Variants in CASP8 observed in about 807,000 individuals in gnomAD.
The protein encoded by CASP8 is caspase 8, also known as caspase-8.
In CASP8, 24 loss-of-function variants were observed where a neutral mutation model predicts 46.3. The observed-to-expected ratio is 0.52, with a 90% CI of 0.38 to 0.73. The LOEUF is 0.73. Among genes scored for constraint, CASP8 ranks in the 30% least tolerant of loss-of-function variants. The pLI is 0.00. For missense variants in CASP8, 460 were observed against 559.0 expected (o/e 0.82, Z 1.79); for synonymous variants, 188 against 200.4 (o/e 0.94, Z 0.52).
chr2:201,258,756 TATTCTGTC>T (rs59308963), upstream of CASP8, among the ~76,000 whole-genome samples: 109,652 of 151,290 alleles, frequency 0.72, 40,061 homozygotes, highest in South Asian at 0.83. Flanking sequence ...TTAAGTACTT[TATTCTGTC>T]ATTCTGTCGA....
intron 7 of CASP8, among the ~76,000 whole-genome samples, chr2:201,281,330 T>TA (rs763808623): frequency 1.3e-5 from 2 of 152,002 alleles, no homozygotes; most frequent in African/African-American, 2.4e-5. Context: ...ATTAAAAAAA[T>TA]AAAAATATTA....
rs990049609 is a variant in CASP8, at chr2:201,286,915, G to C, written c.*321G>C. 1.2e-5 allele frequency: 4 copies of C among 343,692 alleles called. No individual in the cohort carries two copies. Among genetic ancestry groups the C allele is most frequent in the African/African-American group, 8.5e-5 (4 of 47,110 alleles). 21.3% of individuals were successfully genotyped at this position (343,692 alleles called of 1,614,324 possible). On this transcript the variant is annotated 3_prime_UTR_variant, in exon 9 of 9. Coordinates refer to ENST00000673742, the MANE Select transcript of CASP8 (RefSeq NM_001372051.1). ...ATTACAGGCGTGAGCCACCGCGCCT[G>C]GCCGATGGTACTATTTAGATATAAC...
upstream of CASP8, chr2:201,257,945 A>G (rs909246647): frequency 2.3e-6 from 1 of 431,164 alleles, no homozygotes; most frequent in Non-Finnish European, 4.3e-6. Flanking sequence ...TTTAGTTTGC[A>G]CGTCCATGAA....
chr2:201,254,280 T>A (rs1946919146), intron 2 of CASP8, among the ~76,000 whole-genome samples: 1 of 152,166 alleles, frequency 6.6e-6, no homozygotes, highest in Non-Finnish European at 1.5e-5. Flanking sequence ...TAACTGTAAA[T>A]GCCCCATGAC....
At position 201,266,697 on chromosome 2, in the gene CASP8, A is replaced by G; in HGVS notation, c.211A>G (p.Arg71Gly). 6.2e-7 allele frequency: 1 copy of G among 1,614,174 alleles called. No homozygotes were observed. Among genetic ancestry groups the G allele is most frequent in the Non-Finnish European group, 8.5e-7 (1 of 1,180,004 alleles). The change falls in exon 2 of 9, where the codon AGA becomes GGA. Residue 71 changes from arginine (R) to glycine (G), a missense_variant. Coordinates refer to ENST00000673742, the MANE Select transcript of CASP8 (RefSeq NM_001372051.1). This position sits in a 1 kb window ranked among gnomAD's most constrained non-coding sequence, Gnocchi z 5.7. The stretch of plus-strand genomic sequence containing the variant: ...GAAGGAGCTGCTCTTCCGAATTAAT[A>G]GACTGGATTTGCTGATTACCTACCT... ...FLKELLFRIN[R>G]LDLLITYLNT...
In CASP8 at chr2:201,239,417, C is replaced by T. The variant is rs576598220; in HGVS notation, c.-27+5305C>T. 3.9e-5 allele frequency among the ~76,000 whole-genome samples: 6 copies of T among 152,320 alleles called. No individual in the cohort carries two copies. The South Asian group carries it at 6.2e-4, about 16-fold the overall frequency. On this transcript the variant is annotated intron_variant, in intron 2 of 6. Coordinates refer to the CASP8 transcript ENST00000264274. ...GGGGGCTGACCCCCCACCTCCCTCC[C>T]GGACGGGGCGGCTTCCTTACTTTTT...
intron 2 of CASP8, among the ~76,000 whole-genome samples, chr2:201,243,777 G>A (rs186182671): frequency 3.9e-5 from 6 of 152,244 alleles, no homozygotes; most frequent in Non-Finnish European, 5.9e-5. Context: ...AGTTTAATAC[G>A]CATAACAGCA....
intron 1 of CASP8, 93 bp downstream of exon 1, chr2:201,260,706 G>C (rs1947325432): frequency 3.8e-6 from 1 of 263,338 alleles, no homozygotes; most frequent in Non-Finnish European, 5.9e-6. Flanking sequence ...AGTGAGATCG[G>C]GTGGCCCTGG....
intron 7 of CASP8, among the ~76,000 whole-genome samples, chr2:201,280,525 A>G (rs1948934058): frequency 6.6e-6 from 1 of 151,942 alleles, no homozygotes; most frequent in African/African-American, 2.4e-5. Flanking sequence ...AAGCTAAAAG[A>G]CTGTGAAGAA....
chr2:201,244,913 G>T (rs1386550609), intron 2 of CASP8, among the ~76,000 whole-genome samples: 2 of 152,216 alleles, frequency 1.3e-5, no homozygotes, highest in Non-Finnish European at 2.9e-5. Context: ...CGCAAATGAT[G>T]ACTGCCCCTT....
intron 1 of CASP8, among the ~76,000 whole-genome samples, chr2:201,263,375 C>T (rs1343654999): frequency 6.6e-6 from 1 of 152,046 alleles, no homozygotes; most frequent in African/African-American, 2.4e-5. Context: ...GATATTAAAA[C>T]CCATGCTGTA....
At chr2:201,270,085 C>G (rs1247858956) in intron 2 of CASP8, among the ~76,000 whole-genome samples, 1 of 152,126 alleles carries the variant, frequency 6.6e-6, no homozygotes. Flanking sequence ...ATTTTAAAGT[C>G]AACGTGTTTT....
chr2:201,252,285 G>GT (rs1308206347), intron 2 of CASP8, among the ~76,000 whole-genome samples: 73 of 150,080 alleles, frequency 4.9e-4, no homozygotes, highest in African/African-American at 1.0e-3. Context: ...TTTTGTTTTT[G>GT]TTTTTTTTTG....
chr2:201,237,154 G>A (rs572816711), intron 2 of CASP8, among the ~76,000 whole-genome samples: 2 of 137,548 alleles, frequency 1.5e-5, no homozygotes, highest in South Asian at 2.2e-4. Context: ...GCAGTGGCAC[G>A]TTCTTGGCTC....
chr2:201,272,090 CTGTG>C lies in CASP8; in HGVS notation c.411+471_411+474del, dbSNP rs1480388537. Among the ~76,000 whole-genome samples the C allele has an allele frequency of 1.3e-4, 20 of 151,090 alleles. No homozygotes were observed. The highest frequency in any genetic ancestry group is 4.4e-4 in the African/African-American group (18 of 41,086). On this transcript the variant is annotated intron_variant, in intron 3 of 8. Coordinates refer to ENST00000673742, the MANE Select transcript of CASP8 (RefSeq NM_001372051.1). The surrounding 1 kb of genome is among the most constrained non-coding windows in gnomAD (Gnocchi z 4.4). ...GTCTCTGTATAAGTGGTGTGTGTGT[CTGTG>C]TATCTCTGTGTGTGTGTTCTCTGTG... is the stretch of plus-strand genomic sequence containing the variant.
chr2:201,271,348 C>G lies in CASP8; in HGVS notation c.306-168C>G, dbSNP rs375272500. Among the ~76,000 whole-genome samples, 95 of 152,352 alleles carry G rather than the reference C, an allele frequency of 6.2e-4. 1 individual carries two copies. In the South Asian group the frequency reaches 0.019, roughly 31 times the overall value. ...AAGTCGGGGAGGAGCCAGTAGACTT[C>G]TGTGTCACCACACCAGCCTCTTTCC... On this transcript the variant is annotated intron_variant, in intron 2 of 8. Coordinates refer to ENST00000673742, the MANE Select transcript of CASP8 (RefSeq NM_001372051.1).
intron 2 of CASP8, among the ~76,000 whole-genome samples, chr2:201,239,501 GGTT>G (rs1258454002): frequency 1.3e-5 from 2 of 151,948 alleles, no homozygotes; most frequent in African/African-American, 2.4e-5. Context: ...TGTTTTTTTT[GGTT>G]GTTGTTGGCT....
chr2:201,281,034 C>A (rs1948964306), intron 7 of CASP8, among the ~76,000 whole-genome samples: 1 of 152,030 alleles, frequency 6.6e-6, no homozygotes, highest in Non-Finnish European at 1.5e-5. Flanking sequence ...TTACTATGGG[C>A]CGGAGGTGGT....
intron 3 of CASP8, 31 bp downstream of exon 3, chr2:201,271,652 C>G: frequency 7.4e-7 from 1 of 1,351,138 alleles, no homozygotes; most frequent in Non-Finnish European, 1.1e-6. Flanking sequence ...GAGATTTAGT[C>G]CTGAGACTTG....
Sources: allele counts gnomAD v4.1 joint callset (sites outside exome capture counted in the v4.1 genomes callset), GRCh38; gene constraint gnomAD v4.1.1; non-coding constraint Gnocchi (gnomAD v3.1); transcripts MANE v1.5; gene names NCBI Gene and HGNC (gene_info 2026-07-23, HGNC 2026-07-21).